Variants in MARCHF3 observed in about 807,000 individuals in gnomAD.
MARCHF3 encodes E3 ubiquitin-protein ligase MARCHF3.
A neutral mutation model predicts 24.2 loss-of-function variants in MARCHF3; 13 were observed. The observed-to-expected ratio is 0.54, with a 90% CI of 0.35 to 0.85. The LOEUF (loss-of-function observed/expected upper bound fraction) is 0.85. Among genes scored for constraint, MARCHF3 ranks in the 40% least tolerant of loss-of-function variants. The probability of loss-of-function intolerance (pLI) is 0.01; values close to 1 mark genes in which losing one functional copy is unlikely to be tolerated. For synonymous variants in MARCHF3, 144 were observed against 137.3 expected, an observed-to-expected ratio of 1.05 and a Z score of -0.34; for missense variants, 276 against 325.0, an observed-to-expected ratio of 0.85 and a Z score of 1.16.
intron 1 of MARCHF3, among the ~76,000 whole-genome samples, chr5:126,985,710 C>T (rs535215071): frequency 1.7e-3 from 253 of 152,206 alleles, no homozygotes; most frequent in African/African-American, 5.9e-3. Flanking sequence ...CTCCTGACCT[C>T]GTGATCCACC....
intron 1 of MARCHF3, among the ~76,000 whole-genome samples, chr5:126,997,057 G>A (rs1225406795): frequency 1.3e-5 from 2 of 152,118 alleles, no homozygotes; most frequent in Non-Finnish European, 2.9e-5. Context: ...TGATGACAAT[G>A]AGTAAGTATT....
chr5:127,001,131 G>A (rs1438623705), intron 1 of MARCHF3, among the ~76,000 whole-genome samples: 3 of 151,886 alleles, frequency 2.0e-5, no homozygotes, highest in Admixed American at 6.6e-5. Flanking sequence ...CCAGCTACTC[G>A]GGAGGCTGAG....
rs913435606 is a variant in MARCHF3 at position 126,962,216 on chromosome 5, A to T, written c.-56-43989T>A. On this transcript the variant is annotated intron_variant, in intron 1 of 4. Transcript: ENST00000308660. ...CTCAGGAGGCACACACACACCCTATATATCTATATCTATATATCTCTCTCT... is the reference window on the plus strand; with the variant it reads ...CTCAGGAGGCACACACACACCCTATTTATCTATATCTATATATCTCTCTCT... Among the ~76,000 whole-genome samples, 5 of 152,074 alleles carry T rather than the reference A, an allele frequency of 3.3e-5. No homozygotes were observed. The East Asian group carries it at 9.6e-4, about 29-fold the overall frequency.
At chr5:126,911,500 T>C (rs1423902438) in intron 3 of MARCHF3, among the ~76,000 whole-genome samples, 1 of 152,142 alleles carries the variant, frequency 6.6e-6, no homozygotes, top group Admixed American at 6.5e-5. Flanking sequence ...ATAATCTACA[T>C]TTTGAATGCT....
At chr5:127,024,992 T>C (rs1318082246) in intron 1 of MARCHF3, among the ~76,000 whole-genome samples, 1 of 152,212 alleles carries the variant, frequency 6.6e-6, no homozygotes. Context: ...CGCACTAGGT[T>C]TCTTGCCAGT....
chr5:127,028,458 T>A (rs1257271253), intron 1 of MARCHF3, among the ~76,000 whole-genome samples: 1 of 152,202 alleles, frequency 6.6e-6, no homozygotes, highest in Non-Finnish European at 1.5e-5. Context: ...ACTATGAATA[T>A]ATGTCCAGGT....
intron 1 of MARCHF3, chr5:127,029,915 G>A (rs990295956): frequency 6.6e-6 from 1 of 152,314 alleles, no homozygotes; most frequent in Non-Finnish European, 1.5e-5. Flanking sequence ...CTCTGGCGCT[G>A]AGACCCACCT....
At chr5:126,875,863 G>A (rs950325656) in intron 4 of MARCHF3, among the ~76,000 whole-genome samples, 2 of 152,154 alleles carry the variant, frequency 1.3e-5, no homozygotes, top group Non-Finnish European at 2.9e-5. Context: ...TTGACCTAGC[G>A]GTTATCAATT....
At chr5:126,928,194 A>G (rs1749358683) in intron 1 of MARCHF3, among the ~76,000 whole-genome samples, 1 of 152,236 alleles carries the variant, frequency 6.6e-6, no homozygotes. Context: ...GTCACAAATT[A>G]ACACAATGTT....
chr5:126,919,878 A>C (rs1288541104), intron 1 of MARCHF3, among the ~76,000 whole-genome samples: 1 of 152,068 alleles, frequency 6.6e-6, no homozygotes, highest in Non-Finnish European at 1.5e-5. Flanking sequence ...CAGTGGGGAG[A>C]CGGCTGTGGA....
intron 1 of MARCHF3, among the ~76,000 whole-genome samples, chr5:126,957,682 C>T (rs1750495682): frequency 6.6e-6 from 1 of 152,068 alleles, no homozygotes; most frequent in South Asian, 2.1e-4. Flanking sequence ...TTTTGTAAAA[C>T]ATCACATTTA....
intron 3 of MARCHF3, among the ~76,000 whole-genome samples, chr5:126,891,501 A>G (rs1772659209): frequency 3.0e-5 from 3 of 100,210 alleles, no homozygotes; most frequent in African/African-American, 1.3e-4. Context: ...TCAGCTTTCT[A>G]CATATGGCTA....
chr5:127,016,935 TA>T (rs1471741629), intron 1 of MARCHF3, among the ~76,000 whole-genome samples: 5 of 152,072 alleles, frequency 3.3e-5, no homozygotes, highest in South Asian at 4.2e-4. Flanking sequence ...TATGCAGCCA[TA>T]AAAAAGGATG....
chr5:126,932,276 G>T (rs1749504161), intron 1 of MARCHF3, among the ~76,000 whole-genome samples: 1 of 152,230 alleles, frequency 6.6e-6, no homozygotes, highest in Admixed American at 6.5e-5. Flanking sequence ...GTTACTAAAG[G>T]TACAACCTTG....
Position 126,915,052 on chromosome 5 carries a change from C to CCCAGCTCCGATGAAT in MARCHF3, c.270_271insATTCATCGGAGCTGG (p.Thr90_Gly91insIleHisArgSerTrp), listed in dbSNP as rs1245075901. 6.2e-7 allele frequency: 1 copy of CCCAGCTCCGATGAAT among 1,614,072 alleles called. No homozygotes were observed. Among genetic ancestry groups the CCCAGCTCCGATGAAT allele is most frequent in the Non-Finnish European group, 8.5e-7 (1 of 1,180,030 alleles). ...CTCCGATGAATTGTCCCCAAGGTCC[C>CCCAGCTCCGATGAAT]TGTACATTCACATGGAGAGAGCAAG... On this transcript the variant is annotated inframe_insertion, in exon 3 of 5. Coordinates refer to ENST00000308660, the MANE Select transcript of MARCHF3 (RefSeq NM_178450.5).
chr5:126,895,097 C>T (rs143778128), intron 3 of MARCHF3, among the ~76,000 whole-genome samples: 19,352 of 151,982 alleles, frequency 0.13, 1,676 homozygotes, highest in Admixed American at 0.24. Context: ...TCCAGTTGAT[C>T]GCATCAGCTC....
intron 3 of MARCHF3, among the ~76,000 whole-genome samples, chr5:126,890,421 A>G (rs113024861): frequency 0.014 from 1,952 of 140,578 alleles, 42 homozygotes; most frequent in African/African-American, 0.046. Context: ...ATATCTCCCA[A>G]TGCTATCCCT....
intron 1 of MARCHF3, among the ~76,000 whole-genome samples, chr5:127,004,133 CA>C (rs1752228519): frequency 1.3e-5 from 2 of 152,192 alleles, no homozygotes; most frequent in Admixed American, 1.3e-4. Flanking sequence ...TCACAAATTC[CA>C]AAGGAGAGCC....
chr5:126,982,637 A>G (rs1751429495), intron 1 of MARCHF3, among the ~76,000 whole-genome samples: 1 of 152,200 alleles, frequency 6.6e-6, no homozygotes, highest in African/African-American at 2.4e-5. Flanking sequence ...GGGCTTTCAC[A>G]TCAGAAGACC....
Sources: allele counts gnomAD v4.1 joint callset (sites outside exome capture counted in the v4.1 genomes callset), GRCh38; gene constraint gnomAD v4.1.1; transcripts MANE v1.5; gene names NCBI Gene and HGNC (gene_info 2026-07-23, HGNC 2026-07-21).